ASB3: variants seen among roughly 807,000 people sequenced by gnomAD.
The protein encoded by ASB3 is ankyrin repeat and SOCS box protein 3.
Under a neutral mutation model 54.5 loss-of-function variants are expected in ASB3, and 41 were observed. The ratio of observed to expected loss-of-function variants is 0.75; its 90% CI spans 0.59 to 0.98. The LOEUF is 0.98. ASB3 is among the 50% of genes least tolerant of loss of function. The pLI, the probability that ASB3 is intolerant of heterozygous loss-of-function variation, is 0.00. For synonymous variants in ASB3, 266 were observed against 221.2 expected (o/e 1.20, Z -1.80); for missense variants, 733 against 620.0 (o/e 1.18, Z -1.94).
intron 6 of ASB3, among the ~76,000 whole-genome samples, chr2:53,715,509 A>C (rs1411729073): frequency 6.6e-6 from 1 of 152,188 alleles, no homozygotes; most frequent in African/African-American, 2.4e-5. Flanking sequence ...AGAATTCTCA[A>C]AATTGAGAAC....
At chr2:53,764,343 G>T (rs1291804154) in intron 2 of ASB3, among the ~76,000 whole-genome samples, 1 of 152,090 alleles carries the variant, frequency 6.6e-6, no homozygotes, top group Non-Finnish European at 1.5e-5. Context: ...AAAAAAAAGG[G>T]CTTTAGAGTC....
At chr2:53,772,823 C>T (rs1445883697) in intron 1 of ASB3, among the ~76,000 whole-genome samples, 1 of 152,036 alleles carries the variant, frequency 6.6e-6, no homozygotes, top group Non-Finnish European at 1.5e-5. Context: ...TAACATTAAG[C>T]CTAGTATCAA....
chr2:53,699,217 G>A (rs1669349202), intron 8 of ASB3, among the ~76,000 whole-genome samples: 1 of 152,120 alleles, frequency 6.6e-6, no homozygotes, highest in East Asian at 1.9e-4. Context: ...CATCACTGGG[G>A]CACCATCTTG....
At chr2:53,714,000 T>C (rs1352674169) in intron 7 of ASB3, among the ~76,000 whole-genome samples, 1 of 152,192 alleles carries the variant, frequency 6.6e-6, no homozygotes, top group Non-Finnish European at 1.5e-5. Context: ...TTTTTAGGCT[T>C]ATATCTTATA....
At chr2:53,783,656 T>C (rs1674776897) in intron 1 of ASB3, among the ~76,000 whole-genome samples, 1 of 152,200 alleles carries the variant, frequency 6.6e-6, no homozygotes, top group South Asian at 2.1e-4. Context: ...ATTAGACTTG[T>C]CATCAGATAC....
intron 7 of ASB3, among the ~76,000 whole-genome samples, chr2:53,709,277 T>A (rs879578982): frequency 3.9e-5 from 6 of 152,312 alleles, no homozygotes; most frequent in Admixed American, 2.0e-4. Flanking sequence ...CAGGCCACTG[T>A]TTCAGAGGGT....
chr2:53,714,285 A>AC, intron 7 of ASB3, 99 bp downstream of exon 7: 1 of 1,435,192 alleles, frequency 7.0e-7, no homozygotes, highest in East Asian at 2.4e-5. Context: ...TTTAGCACTA[A>AC]CAGAGATACT....
intron 5 of ASB3, among the ~76,000 whole-genome samples, chr2:53,727,158 T>G (rs1223882896): frequency 6.6e-6 from 1 of 152,220 alleles, no homozygotes; most frequent in Non-Finnish European, 1.5e-5. Flanking sequence ...TCTGGACTCT[T>G]AATCTAAAAA....
At chr2:53,741,516 G>T (rs1463147338) in intron 3 of ASB3, among the ~76,000 whole-genome samples, 2 of 152,156 alleles carry the variant, frequency 1.3e-5, no homozygotes, top group Non-Finnish European at 2.9e-5. Flanking sequence ...TTATATAATG[G>T]TTCAAGCTTC....
intron 3 of ASB3, among the ~76,000 whole-genome samples, chr2:53,735,286 C>A (rs781097447): frequency 1.4e-4 from 21 of 152,054 alleles, no homozygotes; most frequent in Non-Finnish European, 2.4e-4. Flanking sequence ...CATCTCTAGG[C>A]GAATGATTGC....
At chr2:53,761,922 A>G (rs2104072209) in intron 2 of ASB3, among the ~76,000 whole-genome samples, 1 of 152,360 alleles carries the variant, frequency 6.6e-6, no homozygotes, top group South Asian at 2.1e-4. Context: ...AACAAACAAA[A>G]TATCTATCAA....
intron 9 of ASB3, among the ~76,000 whole-genome samples, chr2:53,676,375 T>C (rs949492679): frequency 1.3e-5 from 2 of 152,200 alleles, no homozygotes; most frequent in African/African-American, 2.4e-5. Context: ...ACTCCTTCAA[T>C]GGTCATTCTT....
intron 1 of ASB3, among the ~76,000 whole-genome samples, 191 bp from the exon 2 acceptor site, chr2:53,765,776 G>C (rs1260943366): frequency 6.6e-6 from 1 of 152,192 alleles, no homozygotes; most frequent in Non-Finnish European, 1.5e-5. Flanking sequence ...CTGTTTGGCA[G>C]ATTGGAATTC....
intron 7 of ASB3, among the ~76,000 whole-genome samples, chr2:53,712,572 A>T (rs934424917): frequency 6.6e-6 from 1 of 152,220 alleles, no homozygotes; most frequent in Non-Finnish European, 1.5e-5. Context: ...CCCAAGGAAT[A>T]TCATTAATTT....
intron 7 of ASB3, among the ~76,000 whole-genome samples, chr2:53,705,562 A>G (rs1404556749): frequency 6.6e-6 from 1 of 152,036 alleles, no homozygotes; most frequent in Non-Finnish European, 1.5e-5. Flanking sequence ...CCTTTCTGTG[A>G]GTTTATCCTG....
chr2:53,734,406 C>T (rs1428905173), intron 3 of ASB3, among the ~76,000 whole-genome samples: 1 of 152,156 alleles, frequency 6.6e-6, no homozygotes, highest in Non-Finnish European at 1.5e-5. Flanking sequence ...TTTTTTACCA[C>T]TGAACTACCC....
Position 53,693,974 on chromosome 2 carries a change from C to T in ASB3, c.1279G>A (p.Glu427Lys), listed in dbSNP as rs756244744. Residue 427 changes from glutamate to lysine, a missense_variant, in exon 9 of 10, where the codon GAG becomes AAG. Physicochemically the swap from Glu to Lys is moderately conservative, Grantham distance 56. Coordinates refer to ENST00000263634, the MANE Select transcript of ASB3 (RefSeq NM_016115.5). Reference sequence around the variant, plus strand: ...GCAAGTGTCTTCCAATTAGTAAACTCCAAAGTGAAGATAAGGGTGTCAATG... The same window carrying T: ...GCAAGTGTCTTCCAATTAGTAAACTTCAAAGTGAAGATAAGGGTGTCAATG... ...VSIDTLIFTL[E>K]FTNWKTLAPA... is the part of the protein sequence containing the mutation. The T allele has an allele frequency of 6.2e-7, 1 of 1,613,490 alleles. No individual in the cohort carries two copies. The highest frequency in any genetic ancestry group is 8.5e-7 in the Non-Finnish European group (1 of 1,179,574).
At chr2:53,784,053 G>T (rs1253517605) in intron 1 of ASB3, among the ~76,000 whole-genome samples, 1 of 152,180 alleles carries the variant, frequency 6.6e-6, no homozygotes, top group African/African-American at 2.4e-5. Flanking sequence ...TAGCAAACAT[G>T]GTGCCATTAT....
intron 9 of ASB3, among the ~76,000 whole-genome samples, chr2:53,687,646 T>C (rs1161658676): frequency 6.6e-6 from 1 of 152,214 alleles, no homozygotes; most frequent in Non-Finnish European, 1.5e-5. Flanking sequence ...AAAGGCCCAC[T>C]ACTGCCCCAC....
Sources: allele counts gnomAD v4.1 joint callset (sites outside exome capture counted in the v4.1 genomes callset), GRCh38; gene constraint gnomAD v4.1.1; transcripts MANE v1.5; gene names NCBI Gene and HGNC (gene_info 2026-07-23, HGNC 2026-07-21).